Variants in SMG1 observed in about 807,000 individuals in gnomAD.
SMG1 encodes serine/threonine-protein kinase SMG1.
A neutral mutation model predicts 419.9 loss-of-function variants in SMG1; 22 were observed. The ratio of observed to expected loss-of-function variants is 0.05; its 90% confidence interval spans 0.04 to 0.07. SMG1 has a LOEUF of 0.07. Ranked by LOEUF, SMG1 falls within the 10% of genes least tolerant of loss-of-function variation. The probability of loss-of-function intolerance (pLI) is 1.00; values close to 1 mark genes in which losing one functional copy is unlikely to be tolerated. For missense variants in SMG1, 3,185 were observed against 4,342.0 expected, an observed-to-expected ratio of 0.73 and a Z score of 7.49; for synonymous variants, 1,538 against 1,553.5, an observed-to-expected ratio of 0.99 and a Z score of 0.23.
chr16:18,816,612 T>A, intron 57 of SMG1, 83 bp from the exon 58 acceptor site: 1 of 1,153,214 alleles, frequency 8.7e-7, no homozygotes, highest in Non-Finnish European at 1.2e-6. Context: ...CAAAAGATAT[T>A]AGTAACTCAA....
chr16:18,845,305 G>A (rs1156542487), intron 39 of SMG1, 124 bp downstream of exon 39: 1 of 767,734 alleles, frequency 1.3e-6, no homozygotes, highest in East Asian at 2.7e-5. Context: ...ACTGGCCACA[G>A]GCTGCCTCCT....
Position 18,865,802 on chromosome 16 carries a change from A to T in SMG1, c.3350+819T>A, listed in dbSNP as rs1346948404. On this transcript the variant is annotated intron_variant, in intron 23 of 62. Transcript: ENST00000446231. ...CTCAGCCTCCCAAGTAGCTGGGATT[A>T]CACGTATGTGCCACCACACCTCGCT... 2.6e-5 allele frequency among the ~76,000 whole-genome samples: 4 copies of T among 151,994 alleles called. No individual in the cohort carries two copies. In the East Asian group the frequency reaches 7.7e-4, roughly 29 times the overall value.
intron 30 of SMG1, 58 bp from the exon 31 acceptor site, chr16:18,853,925 G>C: frequency 7.9e-4 from 1,132 of 1,425,288 alleles, no homozygotes; most frequent in Non-Finnish European, 9.9e-4. Context: ...ATGGAGGGAG[G>C]CACTTGGATT....
At chr16:18,885,716 A>G in intron 6 of SMG1, 50 bp from the exon 7 acceptor site, 1 of 1,564,606 alleles carries the variant, frequency 6.4e-7, no homozygotes, top group Non-Finnish European at 8.7e-7. Context: ...AATAGGGAGA[A>G]AACAAGCAAA....
At chr16:18,880,253 C>T (rs2036321619) in intron 10 of SMG1, among the ~76,000 whole-genome samples, 1 of 152,206 alleles carries the variant, frequency 6.6e-6, no homozygotes, top group African/African-American at 2.4e-5. Flanking sequence ...ATTTCCAATA[C>T]ACACACAAAC....
intron 41 of SMG1, among the ~76,000 whole-genome samples, chr16:18,840,763 T>C (rs924699332): frequency 5.9e-5 from 9 of 152,230 alleles, no homozygotes; most frequent in African/African-American, 2.2e-4. Flanking sequence ...ACAAATTTAA[T>C]TTAAAAGCAT....
chr16:18,877,343 T>C (rs1397598043), intron 11 of SMG1, 111 bp from the exon 12 acceptor site: 3 of 683,306 alleles, frequency 4.4e-6, no homozygotes, highest in Non-Finnish European at 7.0e-6. Context: ...GGCTACATAC[T>C]ATATGACTCC....
In SMG1 at chr16:18,809,490, G is replaced by A; in HGVS notation, c.*79C>T. ...GTTGCATCACCACCGACTGTGGTGT[G>A]GCTTTGGATGCCTGAGGCTGAGTTG... is the stretch of plus-strand genomic sequence containing the variant. On this transcript the variant is annotated 3_prime_UTR_variant, in exon 63 of 63. Transcript: ENST00000446231. The A allele has an allele frequency of 1.8e-6, 2 of 1,085,598 alleles. No homozygotes were observed. The highest frequency in any genetic ancestry group is 2.5e-5 in the East Asian group (1 of 40,198). The allele number at this position is 1,085,598 out of a possible 1,614,324, so 67.2% of individuals were successfully genotyped here. A position where few individuals can be genotyped will look rare whatever the true frequency, so the allele number is the denominator to read the frequency against.
chr16:18,832,612 A>T (rs1471625397), intron 51 of SMG1, among the ~76,000 whole-genome samples: 7 of 151,730 alleles, frequency 4.6e-5, no homozygotes. Context: ...ACACACACAC[A>T]CAAATAAGTG....
intron 15 of SMG1, among the ~76,000 whole-genome samples, chr16:18,871,964 G>A (rs1279190987): frequency 6.6e-6 from 1 of 151,796 alleles, no homozygotes; most frequent in African/African-American, 2.4e-5. Context: ...GGGGGGTGGG[G>A]GAGTGAGGTT....
intron 39 of SMG1, among the ~76,000 whole-genome samples, chr16:18,845,101 G>A (rs1274579044): frequency 6.6e-6 from 1 of 152,164 alleles, no homozygotes; most frequent in African/African-American, 2.4e-5. Flanking sequence ...TATCTTTAAT[G>A]AGGTAAATAA....
At chr16:18,849,414 T>A (rs2034466837) in intron 35 of SMG1, 36 bp from the exon 36 acceptor site, 2 of 1,561,768 alleles carry the variant, frequency 1.3e-6, no homozygotes, top group African/African-American at 2.7e-5. Context: ...ACTTTAAAGT[T>A]ATTTAAAACT....
intron 33 of SMG1, among the ~76,000 whole-genome samples, chr16:18,851,857 T>A (rs1408711785): frequency 6.6e-6 from 1 of 152,134 alleles, no homozygotes; most frequent in African/African-American, 2.4e-5. Context: ...CACCTATTTT[T>A]AACAGGACTC....
At chr16:18,838,770 T>A (rs1421262995) in intron 42 of SMG1, 81 bp from the exon 43 acceptor site, 2 of 907,970 alleles carry the variant, frequency 2.2e-6, no homozygotes, top group Non-Finnish European at 3.4e-6. Context: ...CTATAAAATT[T>A]ACAAAGCACC....
In SMG1 at chr16:18,892,472, G is replaced by A. The variant is rs2036926931; in HGVS notation, c.413-118C>T. The A allele has an allele frequency of 5.2e-6, 4 of 771,838 alleles. No homozygotes were observed. In the East Asian group the frequency reaches 9.9e-5, roughly 19 times the overall value. 47.8% of individuals were successfully genotyped at this position (771,838 alleles called of 1,614,324 possible). A position where few individuals can be genotyped will look rare whatever the true frequency, so the allele number is the denominator to read the frequency against. On this transcript the variant is annotated intron_variant, in intron 3 of 62. Transcript: ENST00000446231. ...TAAATTATTATGGTGGCTCATGCCTGTAATCCCAGTACTTTGGAAGGCGGG... is the reference window on the plus strand; with the variant it reads ...TAAATTATTATGGTGGCTCATGCCTATAATCCCAGTACTTTGGAAGGCGGG...
chr16:18,866,574 T>G (rs1042870819), intron 23 of SMG1, 47 bp downstream of exon 23: 2 of 1,556,934 alleles, frequency 1.3e-6, no homozygotes, highest in African/African-American at 2.7e-5. Context: ...TACACAGAAC[T>G]TAAACATAAA....
intron 1 of SMG1, among the ~76,000 whole-genome samples, chr16:18,916,024 A>T (rs1191049661): frequency 7.0e-6 from 1 of 142,002 alleles, no homozygotes; most frequent in African/African-American, 2.7e-5. Flanking sequence ...AGCCGTGATC[A>T]CACCATTGCA....
At chr16:18,869,510 T>C (rs1394936691) in intron 19 of SMG1, among the ~76,000 whole-genome samples, 1 of 152,148 alleles carries the variant, frequency 6.6e-6, no homozygotes. Context: ...GGAAGGATGA[T>C]TAGGGTAAAT....
chr16:18,839,838 C>T lies in SMG1; in HGVS notation c.6805G>A (p.Asp2269Asn), dbSNP rs1209297821. Residue 2269 changes from aspartate to asparagine, a missense_variant, in exon 42 of 63, where the codon GAT (aspartate) becomes AAT (asparagine). Asp to Asn is a conservative substitution (Grantham distance 23, BLOSUM62 1). Transcript: ENST00000446231. ...AGAGGCCAATCCCGACGGGACACAT[C>T]CAGGCTAAGCCCAACTGTTTTCAAA... is the stretch of plus-strand genomic sequence containing the variant. ...PALKTVGLSL[D>N]VSRRDWPLHV... The T allele has an allele frequency of 6.2e-7, 1 of 1,613,950 alleles. No individual in the cohort carries two copies. The highest frequency in any genetic ancestry group is 1.1e-5 in the South Asian group (1 of 91,068).
Sources: allele counts gnomAD v4.1 joint callset (sites outside exome capture counted in the v4.1 genomes callset), GRCh38; gene constraint gnomAD v4.1.1; transcripts MANE v1.5; gene names NCBI Gene and HGNC (gene_info 2026-07-23, HGNC 2026-07-21).